RSRC1: variants seen among roughly 807,000 people sequenced by gnomAD.
The protein encoded by RSRC1 is arginine and serine rich coiled-coil 1.
RSRC1 carries 39 observed loss-of-function variants against 49.1 expected under a neutral mutation model. The ratio of observed to expected loss-of-function variants is 0.79; its 90% CI spans 0.61 to 1.04. The LOEUF is 1.04. RSRC1 is among the 50% of genes least tolerant of loss of function. The pLI, the probability that RSRC1 is intolerant of heterozygous loss-of-function variation, is 0.00. For synonymous variants in RSRC1, 143 were observed against 130.8 expected, an observed-to-expected ratio of 1.09 and a Z score of -0.63; for missense variants, 388 against 402.4, an observed-to-expected ratio of 0.96 and a Z score of 0.31.
chr3:158,461,346 A>G (rs958456432), intron 7 of RSRC1, among the ~76,000 whole-genome samples: 3 of 151,950 alleles, frequency 2.0e-5, no homozygotes, highest in African/African-American at 4.8e-5. Context: ...GAAATATTTC[A>G]GTAGTGATGA....
chr3:158,428,635 T>C (rs1361093607), intron 6 of RSRC1, among the ~76,000 whole-genome samples: 1 of 151,890 alleles, frequency 6.6e-6, no homozygotes, highest in East Asian at 1.9e-4. Context: ...GGCTGATTAT[T>C]TTAGTGGACT....
intron 7 of RSRC1, among the ~76,000 whole-genome samples, chr3:158,495,719 C>T (rs966890560): frequency 2.6e-5 from 4 of 152,202 alleles, no homozygotes; most frequent in African/African-American, 9.7e-5. Flanking sequence ...TAAGACCAAT[C>T]AGCCAAATCC....
chr3:158,184,690 A>G (rs1272329054), intron 3 of RSRC1, among the ~76,000 whole-genome samples: 1 of 152,140 alleles, frequency 6.6e-6, no homozygotes, highest in African/African-American at 2.4e-5. Flanking sequence ...GTTATGTTTT[A>G]CATAGTTGTA....
intron 4 of RSRC1, chr3:158,276,249 CCTTT>C: frequency 1.3e-6 from 1 of 770,348 alleles, no homozygotes. Flanking sequence ...TATAATGTAA[CCTTT>C]CTTGGCCTTG....
intron 7 of RSRC1, among the ~76,000 whole-genome samples, chr3:158,493,286 G>A (rs1739163949): frequency 6.6e-6 from 1 of 152,152 alleles, no homozygotes; most frequent in East Asian, 1.9e-4. Flanking sequence ...ATTCTCCCCA[G>A]TAGAAGTCTT....
At chr3:158,516,805 A>AT (rs1740570356) in intron 7 of RSRC1, among the ~76,000 whole-genome samples, 1 of 152,062 alleles carries the variant, frequency 6.6e-6, no homozygotes, top group South Asian at 2.1e-4. Context: ...CTGGTGCGCT[A>AT]TTTTTTAAGC....
chr3:158,377,270 T>A (rs1024202677), intron 6 of RSRC1, among the ~76,000 whole-genome samples: 1 of 152,198 alleles, frequency 6.6e-6, no homozygotes, highest in Non-Finnish European at 1.5e-5. Context: ...TTAGATGCCT[T>A]TTCCACTTCT....
At chr3:158,470,336 AC>A (rs1738074172) in intron 7 of RSRC1, among the ~76,000 whole-genome samples, 1 of 115,106 alleles carries the variant, frequency 8.7e-6, no homozygotes, top group African/African-American at 3.6e-5. Flanking sequence ...ACACACACAC[AC>A]ACACACACAC....
At chr3:158,412,220 A>T (rs1462686662) in intron 6 of RSRC1, among the ~76,000 whole-genome samples, 1 of 152,164 alleles carries the variant, frequency 6.6e-6, no homozygotes, top group African/African-American at 2.4e-5. Context: ...TGGTGAAAAG[A>T]AATGAGAGAG....
intron 4 of RSRC1, among the ~76,000 whole-genome samples, chr3:158,215,259 A>ACAT (rs1186491742): frequency 6.7e-6 from 1 of 148,548 alleles, no homozygotes; most frequent in Non-Finnish European, 1.5e-5. Context: ...TAACATGCTT[A>ACAT]CATCATTATA....
chr3:158,354,987 T>TAAA lies in RSRC1; in HGVS notation c.583+88_583+90dup. 1.0e-5 allele frequency: 7 copies of TAAA among 698,084 alleles called. No individual in the cohort carries two copies. In the South Asian group the frequency reaches 1.3e-4, roughly 13 times the overall value. 43.2% of individuals were successfully genotyped at this position (698,084 alleles called of 1,614,324 possible). A position where few individuals can be genotyped will look rare whatever the true frequency, so the allele number is the denominator to read the frequency against. On this transcript the variant is annotated intron_variant, in intron 6 of 9. Coordinates refer to ENST00000611884, the MANE Select transcript of RSRC1 (RefSeq NM_001271838.2). ...GGCTGGTAGCATGCTTAGAAATGAG[T>TAAA]AAAAAAAAAAACACTATTTTTATAT... is the stretch of plus-strand genomic sequence containing the variant.
intron 6 of RSRC1, among the ~76,000 whole-genome samples, chr3:158,422,905 C>A (rs1489029000): frequency 6.6e-6 from 1 of 151,924 alleles, no homozygotes; most frequent in Non-Finnish European, 1.5e-5. Context: ...TGTCCTTCGC[C>A]CACTTTTTGA....
intron 7 of RSRC1, among the ~76,000 whole-genome samples, chr3:158,492,895 G>T (rs1412203752): frequency 6.6e-6 from 1 of 152,148 alleles, no homozygotes; most frequent in Admixed American, 6.5e-5. Context: ...CAGAAGAAAT[G>T]TAGTGAAGAG....
intron 6 of RSRC1, among the ~76,000 whole-genome samples, chr3:158,439,211 TGGTG>T (rs1736236265): frequency 6.6e-6 from 1 of 152,152 alleles, no homozygotes; most frequent in South Asian, 2.1e-4. Context: ...TTTACACTGT[TGGTG>T]GGAGTGTAAA....
chr3:158,538,507 ATTTG>A (rs1712846285), intron 8 of RSRC1, among the ~76,000 whole-genome samples: 1 of 151,822 alleles, frequency 6.6e-6, no homozygotes, highest in East Asian at 1.9e-4. Flanking sequence ...CTTTCCTAAT[ATTTG>A]TTTGTGAAGT....
At chr3:158,281,750 A>T (rs1478600521) in intron 4 of RSRC1, among the ~76,000 whole-genome samples, 1 of 152,188 alleles carries the variant, frequency 6.6e-6, no homozygotes, top group Non-Finnish European at 1.5e-5. Flanking sequence ...GATAAAGTAG[A>T]CTTTGGATTT....
At chr3:158,435,340 T>G (rs1030498373) in intron 6 of RSRC1, among the ~76,000 whole-genome samples, 1 of 151,788 alleles carries the variant, frequency 6.6e-6, no homozygotes, top group Non-Finnish European at 1.5e-5. Context: ...ATAATACTAT[T>G]GTCAGTGTCA....
intron 1 of RSRC1, among the ~76,000 whole-genome samples, chr3:158,118,177 T>C (rs1714974229): frequency 6.6e-6 from 1 of 152,200 alleles, no homozygotes; most frequent in South Asian, 2.1e-4. Context: ...CTCAAACTCC[T>C]GGACTCAAGT....
At chr3:158,321,900 T>A (rs1728783980) in intron 5 of RSRC1, among the ~76,000 whole-genome samples, 2 of 151,830 alleles carry the variant, frequency 1.3e-5, no homozygotes, top group Admixed American at 1.3e-4. Flanking sequence ...ATTATAAACT[T>A]AATGCAATAT....
Sources: allele counts gnomAD v4.1 joint callset (sites outside exome capture counted in the v4.1 genomes callset), GRCh38; gene constraint gnomAD v4.1.1; transcripts MANE v1.5; gene names NCBI Gene and HGNC (gene_info 2026-07-23, HGNC 2026-07-21).